The following NADK2 variants were observed in gnomAD, a reference collection of about 807,000 sequenced individuals.
The protein encoded by NADK2 is NAD kinase domain-containing protein 1, mitochondrial.
Under a neutral mutation model 62.1 loss-of-function variants are expected in NADK2, and 35 were observed. That is an observed-to-expected ratio of 0.56 (90% CI 0.43 to 0.75). NADK2 has a LOEUF of 0.75. NADK2 is among the 30% of genes least tolerant of loss of function. The pLI, the probability that NADK2 is intolerant of heterozygous loss-of-function variation, is 0.00. For synonymous variants in NADK2, 205 were observed against 207.9 expected (o/e 0.99, Z 0.12); for missense variants, 439 against 561.3 (o/e 0.78, Z 2.20).
chr5:36,219,714 G>A (rs557245789), intron 4 of NADK2, 35 bp from the exon 5 acceptor site: 22 of 1,553,768 alleles, frequency 1.4e-5, no homozygotes, highest in South Asian at 1.4e-4. Context: ...GTGATATAAA[G>A]AGGAAAAGAA....
rs76502399 is a variant in NADK2 at position 36,225,715 on chromosome 5, C to G, written c.479-92G>C. On this transcript the variant is annotated intron_variant, in intron 3 of 11. Coordinates refer to ENST00000381937, the MANE Select transcript of NADK2 (RefSeq NM_001085411.3). ...TTTGAAAATCAGTAGTTTTAACAATCATACCCCACCCTGCTAACCGCTATA... is the reference window on the plus strand; with the variant it reads ...TTTGAAAATCAGTAGTTTTAACAATGATACCCCACCCTGCTAACCGCTATA... The G allele has an allele frequency of 0.011, 12,153 of 1,068,198 alleles. 866 individuals are homozygous for G. The East Asian group carries it at 0.17, about 15-fold the overall frequency. The allele number at this position is 1,068,198 out of a possible 1,614,324, so 66.2% of individuals were successfully genotyped here.
In NADK2 at chr5:36,219,679, C is replaced by T. The variant is rs773979110; in HGVS notation, c.561G>A (p.Arg187=). ...PVIGVNTDPE[R]SEGHLCLPVR... ...CGGGCAGGCATAAATGACCCTCAGA[C>T]CTATATTTTAACAGGAATTTTTTGG... Residue 187 remains arginine, a splice_region_variant and synonymous_variant, in exon 5 of 12, where the codon CGG becomes CGA. Transcript: ENST00000381937. 62 of 1,611,382 alleles carry T rather than the reference C, an allele frequency of 3.8e-5. 1 individual carries two copies. In the South Asian group the frequency reaches 6.4e-4, roughly 17 times the overall value.
intron 4 of NADK2, among the ~76,000 whole-genome samples, chr5:36,223,211 G>C (rs1379735483): frequency 6.6e-6 from 1 of 152,008 alleles, no homozygotes; most frequent in Non-Finnish European, 1.5e-5. Context: ...CCCTAAGTTA[G>C]ATGGGGAGCC....
intron 4 of NADK2, 77 bp from the exon 5 acceptor site, chr5:36,219,756 G>A (rs750783337): frequency 2.4e-4 from 238 of 1,002,386 alleles, no homozygotes; most frequent in Non-Finnish European, 3.5e-4. Flanking sequence ...TAATCAAAAG[G>A]TATCACTAAG....
chr5:36,209,808 A>G (rs1746772313), intron 7 of NADK2, among the ~76,000 whole-genome samples: 1 of 152,136 alleles, frequency 6.6e-6, no homozygotes, highest in Non-Finnish European at 1.5e-5. Flanking sequence ...TATCTTTGTT[A>G]TTCATCTTTA....
At chr5:36,217,628 C>CT in intron 6 of NADK2, 120 bp downstream of exon 6, 1 of 1,038,624 alleles carries the variant, frequency 9.6e-7, no homozygotes. Flanking sequence ...ATTCACTGTA[C>CT]TTTGTTAAGT....
In NADK2 at chr5:36,194,758, T is replaced by G. The variant is rs1368260245; in HGVS notation, c.*386A>C. On this transcript the variant is annotated 3_prime_UTR_variant, in exon 12 of 12. Coordinates refer to ENST00000381937, the MANE Select transcript of NADK2 (RefSeq NM_001085411.3). ...AAATATGCACTAATCAAATGATATG[T>G]GTTCAGTTCTGACAATCCCACAATT... The G allele has an allele frequency of 3.8e-5, 6 of 156,388 alleles. No homozygotes were observed. Among genetic ancestry groups the G allele is most frequent in the Non-Finnish European group, 8.4e-5 (6 of 71,156 alleles). 9.7% of individuals were successfully genotyped at this position (156,388 alleles called of 1,614,324 possible). A position where few individuals can be genotyped will look rare whatever the true frequency, so the allele number is the denominator to read the frequency against.
chr5:36,222,197 G>A (rs1316481470), intron 4 of NADK2, among the ~76,000 whole-genome samples: 2 of 151,134 alleles, frequency 1.3e-5, no homozygotes, highest in Non-Finnish European at 3.0e-5. Context: ...AAGAAACACA[G>A]AAGTGAGTAA....
chr5:36,237,174 TTGTC>T lies in NADK2; in HGVS notation c.300+4321_300+4324del, dbSNP rs1263711608. On this transcript the variant is annotated intron_variant, in intron 1 of 11. Coordinates refer to ENST00000381937, the MANE Select transcript of NADK2 (RefSeq NM_001085411.3). ...ACTCAACAATTTCAACTTTAGGTAT[TTGTC>T]TTAGAGCTTGATTTACATGCATATA... 3.3e-5 allele frequency among the ~76,000 whole-genome samples: 5 copies of T among 152,218 alleles called. No individual in the cohort carries two copies. The East Asian group carries it at 7.7e-4, about 23-fold the overall frequency.
In NADK2 at chr5:36,208,777, A is replaced by C. The variant is rs1746735835; in HGVS notation, c.861-1512T>G. The stretch of plus-strand genomic sequence containing the variant: ...TAAGAACATTATAAATGAGGCAGGA[A>C]TAATATTGCTGCACTTCATATTTTC... On this transcript the variant is annotated intron_variant, in intron 7 of 11. Transcript: ENST00000381937. 14 of 841,134 alleles carry C rather than the reference A, an allele frequency of 1.7e-5. No homozygotes were observed. In the East Asian group the frequency reaches 3.7e-4, roughly 22 times the overall value. The allele number at this position is 841,134 out of a possible 1,614,324, so 52.1% of individuals were successfully genotyped here. A position where few individuals can be genotyped will look rare whatever the true frequency, so the allele number is the denominator to read the frequency against.
At chr5:36,209,584 G>C (rs1024442483) in intron 7 of NADK2, among the ~76,000 whole-genome samples, 2 of 151,938 alleles carry the variant, frequency 1.3e-5, no homozygotes, top group Non-Finnish European at 2.9e-5. Context: ...ATAATAACTA[G>C]ATTGTATCAG....
intron 6 of NADK2, among the ~76,000 whole-genome samples, chr5:36,215,816 T>C (rs1476200746): frequency 2.0e-5 from 3 of 152,184 alleles, no homozygotes; most frequent in Admixed American, 6.6e-5. Context: ...ATTGTGTATA[T>C]ATACACATTT....
chr5:36,231,099 G>A (rs1747692553), intron 1 of NADK2, among the ~76,000 whole-genome samples: 1 of 152,154 alleles, frequency 6.6e-6, no homozygotes, highest in Non-Finnish European at 1.5e-5. Context: ...ACCTTACTGT[G>A]TAAGCCCTGT....
chr5:36,228,239 T>A (rs1208316383), intron 1 of NADK2, among the ~76,000 whole-genome samples: 1 of 152,194 alleles, frequency 6.6e-6, no homozygotes, highest in Admixed American at 6.5e-5. Flanking sequence ...AAAATTTTTT[T>A]AACTATGTTT....
chr5:36,224,585 C>A (rs1339801237), intron 4 of NADK2, among the ~76,000 whole-genome samples: 19 of 149,902 alleles, frequency 1.3e-4, no homozygotes, highest in East Asian at 3.9e-4. Context: ...AGAAAGAAAG[C>A]AAGAAAGAAA....
chr5:36,219,729 G>A (rs752945122), intron 4 of NADK2, 50 bp from the exon 5 acceptor site: 28 of 1,421,678 alleles, frequency 2.0e-5, no homozygotes, highest in Non-Finnish European at 2.4e-5. Context: ...AAAGAAAAAA[G>A]GTGAAGCAAA....
intron 2 of NADK2, among the ~76,000 whole-genome samples, chr5:36,226,946 A>G (rs911205027): frequency 6.6e-6 from 1 of 152,110 alleles, no homozygotes; most frequent in African/African-American, 2.4e-5. Flanking sequence ...AAACTATAAA[A>G]CTGAATGGCC....
intron 8 of NADK2, among the ~76,000 whole-genome samples, chr5:36,204,990 CTAAAT>C (rs904647986): frequency 3.9e-4 from 60 of 151,992 alleles, no homozygotes; most frequent in African/African-American, 1.4e-3. Context: ...AAATAAAACT[CTAAAT>C]TAAACTATAC....
In NADK2 at chr5:36,241,190, CCCT is replaced by C. The variant is rs1174173800; in HGVS notation, c.300+306_300+308del. Among the ~76,000 whole-genome samples the C allele has an allele frequency of 3.9e-5, 6 of 152,174 alleles. No homozygotes were observed. Among genetic ancestry groups the C allele is most frequent in the Non-Finnish European group, 8.8e-5 (6 of 68,024 alleles). ...CGAGGGCACCAACGAATCCTCAAAC[CCCT>C]CACTCTGAGGCCACTCGGCAGCCCC... On this transcript the variant is annotated intron_variant, in intron 1 of 11. Coordinates refer to ENST00000381937, the MANE Select transcript of NADK2 (RefSeq NM_001085411.3). The surrounding 1 kb of genome is among the most constrained non-coding windows in gnomAD (Gnocchi z 4.9).
Sources: gnomAD v4.1 joint callset for allele counts (sites outside exome capture counted in the v4.1 genomes callset) on GRCh38, gnomAD v4.1.1 for gene constraint, Gnocchi (gnomAD v3.1) non-coding constraint, MANE v1.5 for transcripts, NCBI Gene and HGNC (gene_info 2026-07-23, HGNC 2026-07-21) for gene names.